GPC6: variants seen among roughly 807,000 people sequenced by gnomAD.
GPC6 encodes glypican-6.
In GPC6, 14 loss-of-function variants were observed where a neutral mutation model predicts 55.2. The ratio of observed to expected loss-of-function variants is 0.25; its 90% CI spans 0.17 to 0.40. GPC6 has a LOEUF of 0.40. GPC6 is among the 10% of genes least tolerant of loss of function. GPC6 has a pLI of 1.00. For synonymous variants in GPC6, 278 were observed against 259.6 expected (o/e 1.07, Z -0.68); for missense variants, 641 against 708.5 (o/e 0.90, Z 1.08).
At position 93,661,909 on chromosome 13, in the gene GPC6, C is replaced by T. The variant is rs114322590; in HGVS notation, c.319+116488C>T. The stretch of plus-strand genomic sequence containing the variant: ...GGGCACTATATGTTTCAGATAACTC[C>T]AGAGTTCTTTTGTGCCTGGGCCAGC... On this transcript the variant is annotated intron_variant, in intron 2 of 8. Coordinates refer to ENST00000377047, the MANE Select transcript of GPC6 (RefSeq NM_005708.5). 1.6e-3 allele frequency among the ~76,000 whole-genome samples: 241 copies of T among 152,216 alleles called. 2 individuals are homozygous for T. The highest frequency in any genetic ancestry group is 5.4e-3 in the African/African-American group (226 of 41,544).
At chr13:93,638,812 T>C (rs919422468) in intron 2 of GPC6, among the ~76,000 whole-genome samples, 1 of 152,192 alleles carries the variant, frequency 6.6e-6, no homozygotes, top group South Asian at 2.1e-4. Flanking sequence ...CATGTATATA[T>C]AGTATAATAT....
At chr13:94,130,052 T>C (rs1056901622) in intron 4 of GPC6, among the ~76,000 whole-genome samples, 4 of 152,180 alleles carry the variant, frequency 2.6e-5, no homozygotes, top group African/African-American at 7.2e-5. Flanking sequence ...ATCATATTCA[T>C]TGCATTGATG....
intron 3 of GPC6, among the ~76,000 whole-genome samples, chr13:93,986,510 C>G (rs1431628969): frequency 1.3e-5 from 2 of 152,070 alleles, no homozygotes; most frequent in African/African-American, 4.8e-5. Flanking sequence ...ATTTGGGTAA[C>G]TTTGAAATAA....
Position 93,596,656 on chromosome 13 carries a change from ATATATAAGTGTGTATACACT to A in GPC6, c.319+51252_319+51271del, listed in dbSNP as rs1228615074. On this transcript the variant is annotated intron_variant, in intron 2 of 8. Transcript: ENST00000377047. ...ATATAATGTATATGTGTGTATATGCATATATAAGTGTGTATACACTTATATAAGTGTGTATATAAGTATAT... is the reference window on the plus strand; with the variant it reads ...ATATAATGTATATGTGTGTATATGCATATATAAGTGTGTATATAAGTATAT... Among the ~76,000 whole-genome samples, 88 of 147,854 alleles carry A rather than the reference ATATATAAGTGTGTATACACT, an allele frequency of 6.0e-4. No individual in the cohort carries two copies. The East Asian group carries it at 0.012, about 20-fold the overall frequency.
chr13:93,488,583 C>A (rs980221609), intron 1 of GPC6, among the ~76,000 whole-genome samples: 7 of 152,170 alleles, frequency 4.6e-5, no homozygotes, highest in African/African-American at 1.7e-4. Flanking sequence ...TACACTCCCA[C>A]CAACAGTGTA....
chr13:93,636,105 G>A (rs748271629), intron 2 of GPC6, among the ~76,000 whole-genome samples: 3 of 152,138 alleles, frequency 2.0e-5, no homozygotes, highest in African/African-American at 4.8e-5. Flanking sequence ...TCTATGATGA[G>A]GGAGAGATTA....
intron 6 of GPC6, among the ~76,000 whole-genome samples, chr13:94,362,864 G>C (rs1879119936): frequency 6.6e-6 from 1 of 152,144 alleles, no homozygotes. Context: ...CTTGTGAAAA[G>C]AATTAGATTC....
At chr13:93,958,178 A>C (rs143272890) in intron 3 of GPC6, among the ~76,000 whole-genome samples, 2 of 152,154 alleles carry the variant, frequency 1.3e-5, no homozygotes, top group East Asian at 3.9e-4. Context: ...TGTTTACTCT[A>C]TTGATAGTTT....
At chr13:93,971,052 T>C (rs966555808) in intron 3 of GPC6, among the ~76,000 whole-genome samples, 1 of 152,216 alleles carries the variant, frequency 6.6e-6, no homozygotes, top group Non-Finnish European at 1.5e-5. Context: ...TTTGAAAACA[T>C]TTTTGCTATT....
chr13:93,886,276 T>C (rs999648063), intron 3 of GPC6, among the ~76,000 whole-genome samples: 53 of 152,146 alleles, frequency 3.5e-4, no homozygotes, highest in African/African-American at 1.2e-3. Context: ...GATTACATTG[T>C]TGAAAAGGCC....
chr13:93,416,659 T>C (rs935944197), intron 1 of GPC6, among the ~76,000 whole-genome samples: 1 of 152,024 alleles, frequency 6.6e-6, no homozygotes, highest in African/African-American at 2.4e-5. Context: ...AAACTATTTT[T>C]TTGGAACCCA....
chr13:93,744,717 A>G (rs964317623), intron 2 of GPC6, among the ~76,000 whole-genome samples: 6 of 151,520 alleles, frequency 4.0e-5, no homozygotes, highest in African/African-American at 1.5e-4. Context: ...ACGCAGGTGG[A>G]TCACGAGTTC....
At chr13:94,274,984 G>A (rs1049337774) in intron 4 of GPC6, among the ~76,000 whole-genome samples, 4 of 152,282 alleles carry the variant, frequency 2.6e-5, no homozygotes, top group Non-Finnish European at 2.9e-5. Context: ...ATTTGTGATG[G>A]TGTTCATGGC....
intron 3 of GPC6, among the ~76,000 whole-genome samples, chr13:93,877,857 G>T (rs995148401): frequency 7.2e-5 from 11 of 152,172 alleles, no homozygotes; most frequent in South Asian, 4.2e-4. Flanking sequence ...GGTGGAGACA[G>T]AATAGCATGG....
intron 1 of GPC6, among the ~76,000 whole-genome samples, chr13:93,463,338 T>C (rs1280786226): frequency 6.6e-6 from 1 of 152,172 alleles, no homozygotes; most frequent in African/African-American, 2.4e-5. Context: ...TTTGCGAAAA[T>C]GGCCGTCACA....
In GPC6 at chr13:93,393,127, T is replaced by TATATAGAGAG. The variant is rs1230857277; in HGVS notation, c.161-152135_161-152134insTATAGAGAGA. On this transcript the variant is annotated intron_variant, in intron 1 of 8. Transcript: ENST00000377047. ...TATTTGATATATATATATATATATA[T>TATATAGAGAG]AGAGAGAGAGAGAGAGAGAGAGAGA... 7.3e-4 allele frequency among the ~76,000 whole-genome samples: 64 copies of TATATAGAGAG among 87,612 alleles called. No homozygotes were observed. The East Asian group carries it at 7.9e-3, about 11-fold the overall frequency. 57.5% of individuals were successfully genotyped at this position (87,612 alleles called of 152,430 possible).
At chr13:94,329,321 C>A (rs549541419) in intron 6 of GPC6, among the ~76,000 whole-genome samples, 1 of 152,246 alleles carries the variant, frequency 6.6e-6, no homozygotes, top group Non-Finnish European at 1.5e-5. Flanking sequence ...CACATGAGTT[C>A]ACAGTGTTCC....
chr13:94,259,232 G>T (rs1446508666), intron 4 of GPC6, among the ~76,000 whole-genome samples: 4 of 152,144 alleles, frequency 2.6e-5, no homozygotes, highest in Admixed American at 1.3e-4. Flanking sequence ...TGTGTCATTG[G>T]CCAGACAGCT....
intron 3 of GPC6, among the ~76,000 whole-genome samples, chr13:93,871,168 G>A (rs1389194873): frequency 2.6e-5 from 4 of 151,890 alleles, no homozygotes; most frequent in Non-Finnish European, 1.5e-5. Context: ...GACAGACTCT[G>A]TCTGCACGTT....
Sources: allele counts gnomAD v4.1 joint callset (sites outside exome capture counted in the v4.1 genomes callset), GRCh38; gene constraint gnomAD v4.1.1; transcripts MANE v1.5; gene names NCBI Gene and HGNC (gene_info 2026-07-23, HGNC 2026-07-21).